Variants in PABPC4L observed in about 807,000 individuals in gnomAD.
The protein encoded by PABPC4L is polyadenylate-binding protein 4-like.
For missense variants in PABPC4L, 452 were observed against 451.4 expected (o/e 1.00, Z -0.01); for synonymous variants, 169 against 164.1 (o/e 1.03, Z -0.23).
At chr4:134,104,572 T>C in the PABPC4L span, among the ~76,000 whole-genome samples, 1 of 151,702 alleles carries the variant, frequency 6.6e-6, no homozygotes, top group African/African-American at 2.4e-5. Flanking sequence ...CTCTCCCAAC[T>C]TGGTTGGTTA....
chr4:133,999,551 AT>A, the PABPC4L span, among the ~76,000 whole-genome samples: 1 of 152,090 alleles, frequency 6.6e-6, no homozygotes, highest in African/African-American at 2.4e-5. Flanking sequence ...GATTTCACAA[AT>A]TTTTTATGTT....
At chr4:134,013,831 C>T in the PABPC4L span, among the ~76,000 whole-genome samples, 54 of 152,046 alleles carry the variant, frequency 3.6e-4, no homozygotes, top group African/African-American at 1.3e-3. Flanking sequence ...CCCTCCTCAC[C>T]AGGCTGAGAT....
chr4:134,151,454 C>T, the PABPC4L span, among the ~76,000 whole-genome samples: 23 of 151,942 alleles, frequency 1.5e-4, 1 homozygote, highest in Non-Finnish European at 2.5e-4. Context: ...AGAATAGAAT[C>T]GAGAGGTGTG....
chr4:134,177,391 G>A, the PABPC4L span, among the ~76,000 whole-genome samples: 1 of 151,962 alleles, frequency 6.6e-6, no homozygotes, highest in Non-Finnish European at 1.5e-5. Flanking sequence ...GGCCAGGATA[G>A]TCTTGATCTC....
the PABPC4L span, among the ~76,000 whole-genome samples, chr4:134,160,278 C>A: frequency 6.6e-6 from 1 of 152,042 alleles, no homozygotes; most frequent in South Asian, 2.1e-4. Context: ...AGAGAGAGAT[C>A]CCTTCTGATT....
chr4:134,100,861 A>C, the PABPC4L span, among the ~76,000 whole-genome samples: 1 of 151,596 alleles, frequency 6.6e-6, no homozygotes, highest in Admixed American at 6.6e-5. Flanking sequence ...AGTATTATTT[A>C]AGGAAGATAA....
At chr4:134,154,511 G>T in the PABPC4L span, among the ~76,000 whole-genome samples, 3 of 151,950 alleles carry the variant, frequency 2.0e-5, no homozygotes, top group African/African-American at 7.2e-5. Flanking sequence ...TTTTACATAT[G>T]ATTTGCAGTT....
chr4:134,166,574 C>A, the PABPC4L span, among the ~76,000 whole-genome samples: 1 of 152,098 alleles, frequency 6.6e-6, no homozygotes, highest in Non-Finnish European at 1.5e-5. Context: ...TTCCTTCAGG[C>A]CCTCTGAGGG....
chr4:134,106,460 A>C, the PABPC4L span, among the ~76,000 whole-genome samples: 3 of 151,550 alleles, frequency 2.0e-5, no homozygotes, highest in African/African-American at 7.2e-5. Context: ...AAAGAAAGAA[A>C]AATAGAAGTG....
At chr4:134,162,875 G>C in the PABPC4L span, among the ~76,000 whole-genome samples, 1 of 152,066 alleles carries the variant, frequency 6.6e-6, no homozygotes, top group Non-Finnish European at 1.5e-5. Flanking sequence ...ATGCTAAGAG[G>C]AACGTTTATA....
At chr4:133,989,990 A>C in the PABPC4L span, among the ~76,000 whole-genome samples, 1 of 151,656 alleles carries the variant, frequency 6.6e-6, no homozygotes, top group Non-Finnish European at 1.5e-5. Context: ...CTCATAACTC[A>C]CTCACTATTA....
At chr4:134,086,103 A>G in the PABPC4L span, among the ~76,000 whole-genome samples, 1 of 152,030 alleles carries the variant, frequency 6.6e-6, no homozygotes, top group East Asian at 1.9e-4. Context: ...TGAATCCTTG[A>G]ATAAACAGTA....
At chr4:134,002,223 A>G in the PABPC4L span, among the ~76,000 whole-genome samples, 1 of 151,948 alleles carries the variant, frequency 6.6e-6, no homozygotes, top group African/African-American at 2.4e-5. Flanking sequence ...TGAAAAACTC[A>G]TGCTTCTTTT....
chr4:134,017,682 T>C, the PABPC4L span, among the ~76,000 whole-genome samples: 1 of 152,160 alleles, frequency 6.6e-6, no homozygotes, highest in Non-Finnish European at 1.5e-5. Context: ...TTTCTCCTTC[T>C]CTTATTCCGT....
chr4:133,956,782 G>A, the PABPC4L span, among the ~76,000 whole-genome samples: 1 of 152,168 alleles, frequency 6.6e-6, no homozygotes, highest in Non-Finnish European at 1.5e-5. Flanking sequence ...AAAGGTGAAA[G>A]GGAAGAAAGG....
the PABPC4L span, among the ~76,000 whole-genome samples, chr4:134,114,796 T>C: frequency 6.6e-6 from 1 of 151,936 alleles, no homozygotes; most frequent in Non-Finnish European, 1.5e-5. Flanking sequence ...ATATCTTTGG[T>C]ATTGATCTTA....
the PABPC4L span, among the ~76,000 whole-genome samples, chr4:134,155,164 C>T: frequency 6.6e-6 from 1 of 151,980 alleles, no homozygotes; most frequent in South Asian, 2.1e-4. Context: ...AATACAATCT[C>T]CATATAATTT....
the PABPC4L span, among the ~76,000 whole-genome samples, chr4:134,076,916 G>A: frequency 6.6e-6 from 1 of 152,116 alleles, no homozygotes; most frequent in Non-Finnish European, 1.5e-5. Context: ...GATAATTAAA[G>A]AGATTGCCTG....
chr4:134,035,536 G>A, the PABPC4L span, among the ~76,000 whole-genome samples: 1 of 151,920 alleles, frequency 6.6e-6, no homozygotes. Context: ...GTTTGAAGTT[G>A]TATGATAATC....
Sources: allele counts gnomAD v4.1 joint callset (sites outside exome capture counted in the v4.1 genomes callset), GRCh38; gene constraint gnomAD v4.1.1; transcripts MANE v1.5; gene names NCBI Gene and HGNC (gene_info 2026-07-23, HGNC 2026-07-21).